The following PCDH7 variants were observed in gnomAD, a reference collection of about 807,000 sequenced individuals.
The protein encoded by PCDH7 is protocadherin 7.
PCDH7 carries 17 observed loss-of-function variants against 58.9 expected under a neutral mutation model. That is an observed-to-expected ratio of 0.29 (90% confidence interval 0.20 to 0.43). PCDH7 has a LOEUF of 0.43. PCDH7 is among the 20% of genes least tolerant of loss of function. The probability of loss-of-function intolerance (pLI) is 1.00; values close to 1 mark genes in which losing one functional copy is unlikely to be tolerated. For missense variants in PCDH7, 1,274 were observed against 1,441.0 expected (o/e 0.88, Z 1.88); for synonymous variants, 664 against 616.4 (o/e 1.08, Z -1.14).
downstream of PCDH7, chr4:31,143,294 A>C (rs1040297279): frequency 6.4e-6 from 1 of 156,136 alleles, no homozygotes; most frequent in Non-Finnish European, 1.4e-5. Flanking sequence ...AATAAGCAGG[A>C]CAGATAAAAT....
At position 30,773,385 on chromosome 4, in the gene PCDH7, G is replaced by A. The variant is rs556049729; in HGVS notation, c.70+48789G>A. On this transcript the variant is annotated intron_variant, in intron 1 of 3. Coordinates refer to the PCDH7 transcript ENST00000509759. ...TGTGAAACATGGTAGTTGATCAGAC[G>A]AAAACACCTACAGCCCTGTATTTAG... Among the ~76,000 whole-genome samples, 8 of 152,250 alleles carry A rather than the reference G, an allele frequency of 5.3e-5. No homozygotes were observed. The South Asian group carries it at 1.7e-3, about 32-fold the overall frequency.
intron 1 of PCDH7, among the ~76,000 whole-genome samples, chr4:30,888,485 T>C (rs556452620): frequency 6.6e-6 from 1 of 152,306 alleles, no homozygotes; most frequent in South Asian, 2.1e-4. Flanking sequence ...AGAAGAGATA[T>C]AGCAATCAAA....
chr4:31,032,668 AAGGGAGGG>A (rs547402140), intron 3 of PCDH7, among the ~76,000 whole-genome samples: 92 of 71,208 alleles, frequency 1.3e-3, no homozygotes, highest in Middle Eastern at 0.021. Context: ...GGAAGGAAGG[AAGGGAGGG>A]AGGGAGGGAG....
intron 3 of PCDH7, among the ~76,000 whole-genome samples, chr4:31,133,032 G>T (rs1240416174): frequency 6.6e-6 from 1 of 152,156 alleles, no homozygotes; most frequent in Non-Finnish European, 1.5e-5. Context: ...TTCTAAATAT[G>T]AGTTTTATAA....
chr4:31,113,648 T>C (rs929409395), intron 3 of PCDH7, among the ~76,000 whole-genome samples: 2 of 152,042 alleles, frequency 1.3e-5, no homozygotes, highest in Non-Finnish European at 2.9e-5. Flanking sequence ...ATTTGTGTAG[T>C]TTCAAGAATT....
At chr4:31,092,981 G>C (rs1713457596) in intron 3 of PCDH7, among the ~76,000 whole-genome samples, 1 of 152,032 alleles carries the variant, frequency 6.6e-6, no homozygotes, top group South Asian at 2.1e-4. Context: ...ATCTGTGAAT[G>C]ACCATTTTAA....
intron 1 of PCDH7, 65 bp downstream of exon 1, chr4:30,724,661 C>A: frequency 6.5e-7 from 1 of 1,528,960 alleles, no homozygotes; most frequent in Non-Finnish European, 8.8e-7. Context: ...GACAGATTAT[C>A]TTCTGTAAAG....
rs192435452 is a variant in PCDH7 at position 30,945,152 on chromosome 4, G to A, written c.288-4968G>A. Among the ~76,000 whole-genome samples the A allele has an allele frequency of 2.4e-4, 36 of 152,096 alleles. No homozygotes were observed. The East Asian group carries it at 6.7e-3, about 29-fold the overall frequency. On this transcript the variant is annotated intron_variant, in intron 2 of 3. Coordinates refer to the PCDH7 transcript ENST00000509759. Reference sequence around the variant, plus strand: ...TAAATAAGATTAATGAGCATCTTCAGTTAGAAGGAAAAATAAAATAATATT... The same window carrying A: ...TAAATAAGATTAATGAGCATCTTCAATTAGAAGGAAAAATAAAATAATATT...
rs1753320214 is a variant in PCDH7 at position 31,013,108 on chromosome 4, G to GT, written c.*7+62895dup. ...AGGCTGAGGCAGGAGGATACTTTGA[G>GT]TTCAGGAGTTTGAGGCTGCAGTGAG... On this transcript the variant is annotated intron_variant, in intron 3 of 3. Coordinates refer to the PCDH7 transcript ENST00000509759. Among the ~76,000 whole-genome samples, 3 of 150,370 alleles carry GT rather than the reference G, an allele frequency of 2.0e-5. 1 individual carries two copies. Among genetic ancestry groups the GT allele is most frequent in the Non-Finnish European group, 4.4e-5 (3 of 67,660 alleles).
intron 1 of PCDH7, among the ~76,000 whole-genome samples, chr4:30,818,867 G>A (rs1728013872): frequency 6.6e-6 from 1 of 151,582 alleles, no homozygotes; most frequent in African/African-American, 2.4e-5. Context: ...TACAAAACAG[G>A]GCTCAAAAGA....
chr4:31,038,199 G>T (rs563541417), intron 3 of PCDH7, among the ~76,000 whole-genome samples: 4 of 152,296 alleles, frequency 2.6e-5, no homozygotes, highest in African/African-American at 7.2e-5. Flanking sequence ...CGAGGAGATT[G>T]TTTGATATCT....
intron 1 of PCDH7, among the ~76,000 whole-genome samples, chr4:30,897,469 T>G (rs1196897873): frequency 6.6e-6 from 1 of 152,166 alleles, no homozygotes; most frequent in East Asian, 1.9e-4. Flanking sequence ...CAGTATAAAA[T>G]ATTTCTTAAG....
intron 3 of PCDH7, among the ~76,000 whole-genome samples, chr4:30,965,721 G>A (rs1480965165): frequency 6.6e-6 from 1 of 152,000 alleles, no homozygotes; most frequent in African/African-American, 2.4e-5. Flanking sequence ...ACTGGAAATG[G>A]TCATGTTAAA....
At chr4:31,098,848 A>C (rs1029509536) in intron 3 of PCDH7, among the ~76,000 whole-genome samples, 10 of 152,182 alleles carry the variant, frequency 6.6e-5, no homozygotes, top group African/African-American at 2.2e-4. Flanking sequence ...GAAGTTCTGG[A>C]GGCTGAAAGT....
rs1451729685 is a variant in PCDH7 at position 30,920,135 on chromosome 4, G to C, written c.71-18G>C. The C allele has an allele frequency of 7.3e-7, 1 of 1,364,014 alleles. No individual in the cohort carries two copies. Among genetic ancestry groups the C allele is most frequent in the Non-Finnish European group, 9.8e-7 (1 of 1,018,964 alleles). 84.5% of individuals were successfully genotyped at this position (1,364,014 alleles called of 1,614,324 possible). On this transcript the variant is annotated intron_variant, in intron 1 of 3. Transcript: ENST00000509759. ...CAATCTTACATCGTAGTGACATTCA[G>C]AATCTTTTCTTTTGCAGCCATTTCG...
chr4:31,094,202 T>G (rs1713643544), intron 3 of PCDH7, among the ~76,000 whole-genome samples: 1 of 152,174 alleles, frequency 6.6e-6, no homozygotes, highest in Non-Finnish European at 1.5e-5. Flanking sequence ...TCTTGAAATC[T>G]CTCAGTAAAT....
chr4:31,027,507 C>A (rs1031041760), intron 3 of PCDH7, among the ~76,000 whole-genome samples: 17 of 152,100 alleles, frequency 1.1e-4, no homozygotes, highest in African/African-American at 4.1e-4. Context: ...ACTGCAACCT[C>A]CGCCTCCCAG....
intron 3 of PCDH7, among the ~76,000 whole-genome samples, chr4:30,967,063 C>G (rs928188204): frequency 6.6e-6 from 1 of 151,778 alleles, no homozygotes; most frequent in Non-Finnish European, 1.5e-5. Flanking sequence ...TAAAATTAGT[C>G]AATATAAATA....
chr4:31,054,229 G>T (rs1230557144), intron 3 of PCDH7, among the ~76,000 whole-genome samples: 1 of 152,190 alleles, frequency 6.6e-6, no homozygotes, highest in African/African-American at 2.4e-5. Flanking sequence ...GCATCCCAGA[G>T]TGCTGGGCTT....
Sources: allele counts gnomAD v4.1 joint callset (sites outside exome capture counted in the v4.1 genomes callset), GRCh38; gene constraint gnomAD v4.1.1; transcripts MANE v1.5; gene names NCBI Gene and HGNC (gene_info 2026-07-23, HGNC 2026-07-21).